The following ACTG2 variants were observed in gnomAD, a reference collection of about 807,000 sequenced individuals.
The protein encoded by ACTG2 is actin, gamma-enteric smooth muscle.
A neutral mutation model predicts 37.6 loss-of-function variants in ACTG2; 16 were observed. The observed-to-expected ratio is 0.43, with a 90% CI of 0.29 to 0.65. The LOEUF (loss-of-function observed/expected upper bound fraction) is 0.65. ACTG2 is among the 30% of genes least tolerant of loss of function. The probability of loss-of-function intolerance (pLI) is 0.18; values close to 1 mark genes in which losing one functional copy is unlikely to be tolerated. For missense variants in ACTG2, 238 were observed against 490.9 expected (o/e 0.48, Z 4.87); for synonymous variants, 181 against 179.9 (o/e 1.01, Z -0.05).
At chr2:73,898,966 G>A (rs1022948996) in intron 1 of ACTG2, among the ~76,000 whole-genome samples, 3 of 151,320 alleles carry the variant, frequency 2.0e-5, no homozygotes, top group Admixed American at 1.3e-4. Context: ...CCATGCCTGG[G>A]TAATTTTCTT....
rs575995735 is a variant in ACTG2, at chr2:73,902,644, C to T, written c.255+156C>T. 33 of 1,552,204 alleles carry T rather than the reference C, an allele frequency of 2.1e-5. No individual in the cohort carries two copies. In the African/African-American group the frequency reaches 4.0e-4, roughly 19 times the overall value. The stretch of plus-strand genomic sequence containing the variant: ...TTCAGCCCCACGACCATTTCTCCAA[C>T]CTAGGCTGCCAACATCTCTCCCTGG... On this transcript the variant is annotated intron_variant, in intron 3 of 8. Transcript: ENST00000345517.
In ACTG2 at chr2:73,894,163, C is replaced by T. The variant is rs139611392; in HGVS notation, c.-37+1112C>T. Reference sequence around the variant, plus strand: ...GTTAAAACACAGATTGCCCCATGCCCCACCCCAGATTCTGATTCCAGTAGG... The same window carrying T: ...GTTAAAACACAGATTGCCCCATGCCTCACCCCAGATTCTGATTCCAGTAGG... On this transcript the variant is annotated intron_variant, in intron 1 of 8. Transcript: ENST00000345517. Among the ~76,000 whole-genome samples, 567 of 152,282 alleles carry T rather than the reference C, an allele frequency of 3.7e-3. 4 individuals carry two copies. Among genetic ancestry groups the T allele is most frequent in the African/African-American group, 0.013 (530 of 41,552 alleles).
chr2:73,902,768 G>A (rs1721244), intron 3 of ACTG2: 894,243 of 1,548,380 alleles, frequency 0.58, 261,461 homozygotes, highest in Admixed American at 0.72. Context: ...CTAAACACAG[G>A]TCAGCTCATG....
At chr2:73,916,099 C>T (rs191041376) in intron 7 of ACTG2, among the ~76,000 whole-genome samples, 18 of 152,088 alleles carry the variant, frequency 1.2e-4, no homozygotes, top group African/African-American at 3.4e-4. Context: ...AAGATCAGGC[C>T]GGGTGTAATA....
chr2:73,906,769 C>A (rs1387407869), intron 3 of ACTG2, among the ~76,000 whole-genome samples: 3 of 152,198 alleles, frequency 2.0e-5, no homozygotes, highest in African/African-American at 7.2e-5. Flanking sequence ...TAAGTCACCA[C>A]ACTCGACCTT....
chr2:73,903,489 T>C (rs1679934713), intron 3 of ACTG2, among the ~76,000 whole-genome samples: 1 of 152,208 alleles, frequency 6.6e-6, no homozygotes, highest in Middle Eastern at 3.2e-3. Flanking sequence ...AAGTCTTAGT[T>C]TTCCCATTTG....
Position 73,903,937 on chromosome 2 carries a change from CTCA to C in ACTG2, c.255+1450_255+1452del, listed in dbSNP as rs1398226565. ...TGTGGGTGACAGAGTGAGACTCCGTCTCAAAAAAAAAAAAAAAAAAAACAAAAA... is the reference window on the plus strand; with the variant it reads ...TGTGGGTGACAGAGTGAGACTCCGTCAAAAAAAAAAAAAAAAAAACAAAAA... On this transcript the variant is annotated intron_variant, in intron 3 of 8. Transcript: ENST00000345517. 8.6e-3 allele frequency among the ~76,000 whole-genome samples: 535 copies of C among 62,278 alleles called. 4 individuals carry two copies. The highest frequency in any genetic ancestry group is 0.04 in the African/African-American group (507 of 12,594). 40.9% of individuals were successfully genotyped at this position (62,278 alleles called of 152,430 possible). A position where few individuals can be genotyped will look rare whatever the true frequency, so the allele number is the denominator to read the frequency against.
Position 73,901,349 on chromosome 2 carries a change from A to G in ACTG2, c.38A>G (p.Asn13Ser). 6.2e-7 allele frequency: 1 copy of G among 1,613,148 alleles called. No homozygotes were observed. The highest frequency in any genetic ancestry group is 8.5e-7 in the Non-Finnish European group (1 of 1,179,316). The change falls in exon 2 of 9, where the codon AAT (asparagine) becomes AGT (serine). Residue 13 changes from asparagine (N) to serine (S), a missense_variant. By Grantham distance (46) the Asn-to-Ser change is conservative. Transcript: ENST00000345517. ...GAGACCACCGCGCTCGTGTGTGACA[A>G]TGGCTCTGGCCTGTGCAAGGCAGGC... Reference protein sequence around the residue: ...EEETTALVCDNGSGLCKAGFA... With the variant: ...EEETTALVCDSGSGLCKAGFA...
chr2:73,912,830 G>C (rs72816133), intron 5 of ACTG2, among the ~76,000 whole-genome samples: 12,943 of 152,216 alleles, frequency 0.085, 639 homozygotes, highest in Middle Eastern at 0.14. Context: ...AAATGGTGGT[G>C]ATATTGTAAT....
chr2:73,898,371 T>TTTTTTTTTTTTTTTTTTTTTGAG (rs1679798255), intron 1 of ACTG2, among the ~76,000 whole-genome samples: 1 of 133,802 alleles, frequency 7.5e-6, no homozygotes, highest in African/African-American at 2.6e-5. Context: ...TCTATTGTAT[T>TTTTTTTTTTTTTTTTTTTTTGAG]AAATATTTCA....
intron 5 of ACTG2, among the ~76,000 whole-genome samples, chr2:73,910,581 C>A (rs1680111260): frequency 6.6e-6 from 1 of 150,628 alleles, no homozygotes; most frequent in Non-Finnish European, 1.5e-5. Context: ...TCACTGCAAC[C>A]TCCGCCTCCT....
intron 3 of ACTG2, 82 bp from the exon 4 acceptor site, chr2:73,908,591 A>G: frequency 8.4e-7 from 1 of 1,196,920 alleles, no homozygotes. Context: ...ATGGTGCCAC[A>G]CTCTCCCAGC....
chr2:73,906,709 C>G (rs1301964089), intron 3 of ACTG2, among the ~76,000 whole-genome samples: 2 of 152,112 alleles, frequency 1.3e-5, no homozygotes, highest in Non-Finnish European at 2.9e-5. Flanking sequence ...AACCCCTGGG[C>G]TCAAGCAATC....
chr2:73,897,753 C>A (rs573560880), intron 1 of ACTG2, among the ~76,000 whole-genome samples: 2 of 152,266 alleles, frequency 1.3e-5, no homozygotes, highest in African/African-American at 4.8e-5. Context: ...ATCAAGGCAC[C>A]AGCAGATTCA....
In ACTG2 at chr2:73,908,726, C is replaced by A; in HGVS notation, c.309C>A (p.Pro103=). 6.2e-7 allele frequency: 1 copy of A among 1,614,020 alleles called. No individual in the cohort carries two copies. Among genetic ancestry groups the A allele is most frequent in the Non-Finnish European group, 8.5e-7 (1 of 1,179,930 alleles). Reference sequence around the variant, plus strand: ...TGCGTGTAGCACCTGAAGAGCACCCCACCCTGCTCACAGAGGCTCCCCTAA... The same window carrying A: ...TGCGTGTAGCACCTGAAGAGCACCCAACCCTGCTCACAGAGGCTCCCCTAA... ...NELRVAPEEH[P]TLLTEAPLNP... The change falls in exon 4 of 9, where the codon CCC becomes CCA. Residue 103 remains proline (P), a synonymous_variant. Transcript: ENST00000345517.
chr2:73,917,926 T>G (rs1015207267), intron 8 of ACTG2, among the ~76,000 whole-genome samples: 6 of 152,174 alleles, frequency 3.9e-5, no homozygotes, highest in Admixed American at 1.3e-4. Flanking sequence ...ACTCCCAGAT[T>G]CTGGTCCAAC....
At chr2:73,899,175 T>G (rs1290390559) in intron 1 of ACTG2, among the ~76,000 whole-genome samples, 2 of 152,110 alleles carry the variant, frequency 1.3e-5, no homozygotes, top group African/African-American at 4.8e-5. Flanking sequence ...TTCATTAAAT[T>G]TAACCTTGGC....
intron 1 of ACTG2, among the ~76,000 whole-genome samples, chr2:73,898,867 A>G (rs911863643): frequency 7.4e-6 from 1 of 134,492 alleles, no homozygotes; most frequent in Non-Finnish European, 1.5e-5. Context: ...CAGTGGCTCG[A>G]TCTTGGCTCA....
intron 3 of ACTG2, among the ~76,000 whole-genome samples, chr2:73,905,845 A>G (rs971109127): frequency 1.3e-5 from 2 of 152,156 alleles, no homozygotes; most frequent in African/African-American, 4.8e-5. Flanking sequence ...AGGATTATTT[A>G]TAACCAAAAA....
Sources: gnomAD v4.1 joint callset for allele counts (sites outside exome capture counted in the v4.1 genomes callset) on GRCh38, gnomAD v4.1.1 for gene constraint, MANE v1.5 for transcripts, NCBI Gene and HGNC (gene_info 2026-07-23, HGNC 2026-07-21) for gene names.